NSL1: variants seen among roughly 807,000 people sequenced by gnomAD.
The protein encoded by NSL1 is kinetochore-associated protein NSL1 homolog.
In NSL1, 11 loss-of-function variants were observed where a neutral mutation model predicts 25.4. The ratio of observed to expected loss-of-function variants is 0.43; its 90% CI spans 0.27 to 0.72. The LOEUF (loss-of-function observed/expected upper bound fraction) is 0.72, where lower values mean the gene tolerates loss of function less well. Among genes scored for constraint, NSL1 ranks in the 30% least tolerant of loss-of-function variants. The pLI is 0.19. For missense variants in NSL1, 330 were observed against 342.7 expected (o/e 0.96, Z 0.29); for synonymous variants, 118 against 120.6 (o/e 0.98, Z 0.14).
At chr1:212,754,631 T>C (rs1026268176) in intron 4 of NSL1, among the ~76,000 whole-genome samples, 5 of 151,326 alleles carry the variant, frequency 3.3e-5, no homozygotes, top group Admixed American at 3.3e-4. Context: ...ACAAAAATTA[T>C]CCGGGCGTGG....
intron 4 of NSL1, among the ~76,000 whole-genome samples, chr1:212,770,498 AAAC>A (rs1416795555): frequency 1.2e-4 from 18 of 152,092 alleles, no homozygotes; most frequent in Admixed American, 2.0e-4. Flanking sequence ...ACAAACAAAA[AAAC>A]CAGAAAATCT....
intron 4 of NSL1, among the ~76,000 whole-genome samples, chr1:212,774,778 A>G (rs1043319884): frequency 1.3e-5 from 2 of 152,230 alleles, no homozygotes; most frequent in African/African-American, 4.8e-5. Context: ...CAGTTCCTCA[A>G]AAGCTACATA....
In NSL1 at chr1:212,727,874, ACT is replaced by A. The variant is rs1447162506; in HGVS notation, c.*10532_*10533del. On this transcript the variant is annotated 3_prime_UTR_variant, in exon 6 of 6. Transcript: ENST00000366977. ...GGGAAATTTAAAAATGTTTGTTGAT[ACT>A]CTCTGTTGCTATGTGTCATTGAAAA... The A allele has an allele frequency of 2.0e-6, 2 of 985,188 alleles. No homozygotes were observed. Among genetic ancestry groups the A allele is most frequent in the East Asian group, 1.1e-4 (1 of 8,822 alleles). The allele number at this position is 985,188 out of a possible 1,614,324, so 61.0% of individuals were successfully genotyped here.
At chr1:212,772,346 C>A (rs1660158832) in intron 4 of NSL1, among the ~76,000 whole-genome samples, 1 of 152,056 alleles carries the variant, frequency 6.6e-6, no homozygotes. Context: ...ATACCAATAA[C>A]ATTCCTCACA....
intron 4 of NSL1, among the ~76,000 whole-genome samples, chr1:212,778,744 C>G (rs1484091956): frequency 6.7e-6 from 1 of 150,012 alleles, no homozygotes; most frequent in Non-Finnish European, 1.5e-5. Flanking sequence ...GATCTCGGCT[C>G]GCTACAACCT....
intron 4 of NSL1, among the ~76,000 whole-genome samples, chr1:212,758,620 A>T (rs1659418918): frequency 6.6e-6 from 1 of 152,380 alleles, no homozygotes; most frequent in East Asian, 1.9e-4. Context: ...AAGCTGGAAA[A>T]CACTGTTGAA....
intron 4 of NSL1, among the ~76,000 whole-genome samples, chr1:212,761,188 A>G (rs997182675): frequency 2.0e-5 from 3 of 152,258 alleles, no homozygotes; most frequent in African/African-American, 7.2e-5. Flanking sequence ...AAGAAACATG[A>G]AAAAGCAAGG....
chr1:212,749,835 G>T (rs1298319915), intron 4 of NSL1, among the ~76,000 whole-genome samples: 1 of 151,380 alleles, frequency 6.6e-6, no homozygotes, highest in Admixed American at 6.6e-5. Context: ...GTGTAAAATG[G>T]AATTAGGTCC....
intron 4 of NSL1, chr1:212,766,126 A>T: frequency 2.2e-6 from 1 of 458,276 alleles, no homozygotes; most frequent in South Asian, 3.1e-5. Flanking sequence ...ACAGAGCGAG[A>T]CTCCATCTCA....
In NSL1 at chr1:212,784,365, G is replaced by C. The variant is rs778702505; in HGVS notation, c.442C>G (p.Leu148Val). ...ATTTTAAAGGCAAATCATCTTACCA[G>C]AATTTCTTGTTTTGCTTTTATGGTT... ...IKTIKAKQEI[L>V]KQYHPVVHPL... The change falls in exon 3 of 6, where the codon CTG (leucine) becomes GTG (valine). Residue 148 changes from leucine to valine, a missense_variant and splice_region_variant. Physicochemically the swap from Leu to Val is conservative, Grantham distance 32. Coordinates refer to ENST00000366977, the MANE Select transcript of NSL1 (RefSeq NM_015471.4). 5 of 1,565,684 alleles carry C rather than the reference G, an allele frequency of 3.2e-6. No homozygotes were observed. In the South Asian group the frequency reaches 4.9e-5, roughly 15 times the overall value.
At chr1:212,746,474 T>C (rs12125321) in intron 4 of NSL1, among the ~76,000 whole-genome samples, 61,203 of 151,936 alleles carry the variant, frequency 0.4, 13,967 homozygotes, top group Non-Finnish European at 0.51. Flanking sequence ...AAGAAGACAG[T>C]AATGGAGGAA....
At chr1:212,761,920 T>C (rs968847094) in intron 4 of NSL1, among the ~76,000 whole-genome samples, 4 of 147,646 alleles carry the variant, frequency 2.7e-5, no homozygotes, top group African/African-American at 7.5e-5. Context: ...ACTGGAAGAA[T>C]TGTCTTGGGC....
In NSL1 at chr1:212,791,717, T is replaced by C. The variant is rs759568781; in HGVS notation, c.47A>G (p.Lys16Arg). Residue 16 changes from lysine to arginine, a missense_variant, in exon 1 of 6, where the codon AAG becomes AGG. Physicochemically the swap from Lys to Arg is conservative, Grantham distance 26 (BLOSUM62 2). Coordinates refer to ENST00000366977, the MANE Select transcript of NSL1 (RefSeq NM_015471.4). The part of the protein sequence containing the change: ...ELVVLDPPWD[K>R]ELAAGTESQA... The stretch of plus-strand genomic sequence containing the variant: ...GCTCTCTGTGCCAGCCGCGAGCTCC[T>C]TGTCCCATGGAGGGTCAAGGACCAC... The C allele has an allele frequency of 3.7e-6, 6 of 1,613,714 alleles. No homozygotes were observed. In the African/African-American group the frequency reaches 6.7e-5, roughly 18 times the overall value.
rs1262935030 is a variant in NSL1, at chr1:212,727,780, T to TAA, written c.*10627_*10628insTT. ...TAACCTCATTAAGATAATAAATTGC[T>TAA]TTAAACAACTTTGAGCACTTTCTTA... On this transcript the variant is annotated 3_prime_UTR_variant, in exon 6 of 6. Coordinates refer to ENST00000366977, the MANE Select transcript of NSL1 (RefSeq NM_015471.4). 5 of 984,432 alleles carry TAA rather than the reference T, an allele frequency of 5.1e-6. No homozygotes were observed. The highest frequency in any genetic ancestry group is 6.0e-6 in the Non-Finnish European group (5 of 829,096). 61.0% of individuals were successfully genotyped at this position (984,432 alleles called of 1,614,324 possible).
chr1:212,771,611 C>CAA lies in NSL1; in HGVS notation c.499+10759_499+10760dup, dbSNP rs57899487. On this transcript the variant is annotated intron_variant, in intron 4 of 5. Coordinates refer to ENST00000366977, the MANE Select transcript of NSL1 (RefSeq NM_015471.4). The stretch of plus-strand genomic sequence containing the variant: ...ATAGAGAAAAACCTAAAGACTCCAC[C>CAA]AAAAAAAAAAAAAAAAAAAAACCTT... 2.6e-3 allele frequency among the ~76,000 whole-genome samples: 163 copies of CAA among 63,866 alleles called. 3 individuals are homozygous for CAA. Among genetic ancestry groups the CAA allele is most frequent in the Middle Eastern group, 0.012 (1 of 82 alleles). 41.9% of individuals were successfully genotyped at this position (63,866 alleles called of 152,430 possible).
At chr1:212,751,236 C>T (rs1447243319) in intron 4 of NSL1, among the ~76,000 whole-genome samples, 1 of 152,170 alleles carries the variant, frequency 6.6e-6, no homozygotes, top group Non-Finnish European at 1.5e-5. Context: ...TGAAAACTTT[C>T]CCTACCTGTT....
chr1:212,767,211 C>A (rs1659861639), intron 4 of NSL1, among the ~76,000 whole-genome samples: 1 of 152,146 alleles, frequency 6.6e-6, no homozygotes, highest in African/African-American at 2.4e-5. Flanking sequence ...GCCACAGTCA[C>A]CAAAACAACA....
In NSL1 at chr1:212,726,314, A is replaced by G. The variant is rs1657783346; in HGVS notation, c.*12094T>C. On this transcript the variant is annotated 3_prime_UTR_variant, in exon 6 of 6. Coordinates refer to ENST00000366977, the MANE Select transcript of NSL1 (RefSeq NM_015471.4). ...TCCCCCATAAACAACTACTCTACTC[A>G]GTAGGAAGAAAAAAACCCACAAAAC... 6.6e-6 allele frequency: 1 copy of G among 152,234 alleles called. No individual in the cohort carries two copies. Among genetic ancestry groups the G allele is most frequent in the Admixed American group, 6.5e-5 (1 of 15,274 alleles). The allele number at this position is 152,234 out of a possible 1,614,324, so 9.4% of individuals were successfully genotyped here. A position where few individuals can be genotyped will look rare whatever the true frequency, so the allele number is the denominator to read the frequency against.
rs1658171733 is a variant in NSL1, at chr1:212,734,853, GCA to G, written c.*3553_*3554del. On this transcript the variant is annotated 3_prime_UTR_variant, in exon 6 of 6. Coordinates refer to ENST00000366977, the MANE Select transcript of NSL1 (RefSeq NM_015471.4). ...TTGCTGCATGGCATTATCATTGTTT[GCA>G]CACTCATCCTCTTCACTGGAATATG... Among the ~76,000 whole-genome samples the G allele has an allele frequency of 6.6e-6, 1 of 152,106 alleles. No individual in the cohort carries two copies. Among genetic ancestry groups the G allele is most frequent in the African/African-American group, 2.4e-5 (1 of 41,400 alleles).
Sources: gnomAD v4.1 joint callset for allele counts (sites outside exome capture counted in the v4.1 genomes callset) on GRCh38, gnomAD v4.1.1 for gene constraint, MANE v1.5 for transcripts, NCBI Gene and HGNC (gene_info 2026-07-23, HGNC 2026-07-21) for gene names.